Variants in PDE10A observed in about 807,000 individuals in gnomAD.
PDE10A encodes cAMP and cAMP-inhibited cGMP 3',5'-cyclic phosphodiesterase 10A.
PDE10A carries 39 observed loss-of-function variants against 97.7 expected under a neutral mutation model. That is an observed-to-expected ratio of 0.40 (90% CI 0.31 to 0.52). The LOEUF is 0.52. Ranked by LOEUF, PDE10A falls within the 20% of genes least tolerant of loss-of-function variation. The pLI is 0.56. For synonymous variants in PDE10A, 371 were observed against 376.8 expected (o/e 0.98, Z 0.18); for missense variants, 731 against 1,047.8 (o/e 0.70, Z 4.17).
At chr6:165,676,886 A>G (rs1165693758) in intron 1 of PDE10A, among the ~76,000 whole-genome samples, 1 of 152,152 alleles carries the variant, frequency 6.6e-6, no homozygotes, top group African/African-American at 2.4e-5. Flanking sequence ...CTGAAGGACC[A>G]CACGCACTCA....
chr6:165,431,915 T>C (rs937453111), intron 7 of PDE10A, among the ~76,000 whole-genome samples: 1 of 152,158 alleles, frequency 6.6e-6, no homozygotes, highest in Admixed American at 6.6e-5. Context: ...AAAAATACTA[T>C]TGAAAAGCAA....
chr6:165,815,214 G>C (rs746487085), intron 1 of PDE10A, among the ~76,000 whole-genome samples: 1 of 152,076 alleles, frequency 6.6e-6, no homozygotes, highest in Non-Finnish European at 1.5e-5. Context: ...CAAATGAATC[G>C]ATCAGTTGAC....
At chr6:165,763,441 G>A (rs1026950397) in intron 1 of PDE10A, among the ~76,000 whole-genome samples, 1 of 152,026 alleles carries the variant, frequency 6.6e-6, no homozygotes, top group Admixed American at 6.6e-5. Flanking sequence ...TCGTGCCTCA[G>A]CCCCCCCAGT....
At chr6:165,613,067 T>G (rs560916959) in intron 1 of PDE10A, among the ~76,000 whole-genome samples, 41 of 152,322 alleles carry the variant, frequency 2.7e-4, no homozygotes, top group South Asian at 1.0e-3. Flanking sequence ...ATTTTTTATT[T>G]TAACCAATTT....
intron 1 of PDE10A, among the ~76,000 whole-genome samples, chr6:165,796,366 G>A (rs1184049262): frequency 6.6e-6 from 1 of 152,124 alleles, no homozygotes; most frequent in Non-Finnish European, 1.5e-5. Flanking sequence ...GGTTATAGGC[G>A]TGAGCCACCG....
chr6:165,914,154 A>G (rs150025964), intron 1 of PDE10A, among the ~76,000 whole-genome samples: 2 of 152,368 alleles, frequency 1.3e-5, no homozygotes, highest in East Asian at 3.9e-4. Flanking sequence ...AGGCATTTCC[A>G]ACTGTCAACA....
At chr6:165,597,215 C>A (rs1486367421) in intron 1 of PDE10A, among the ~76,000 whole-genome samples, 2 of 152,012 alleles carry the variant, frequency 1.3e-5, no homozygotes, top group Admixed American at 6.6e-5. Context: ...TAAAAAAGTT[C>A]TTGGCACATA....
chr6:165,931,580 T>C (rs1472599116), intron 1 of PDE10A, among the ~76,000 whole-genome samples: 1 of 152,210 alleles, frequency 6.6e-6, no homozygotes, highest in African/African-American at 2.4e-5. Context: ...GGAGAAATAG[T>C]GCAGGTGTTT....
chr6:165,954,181 T>G (rs777520334), intron 1 of PDE10A, among the ~76,000 whole-genome samples: 4 of 152,234 alleles, frequency 2.6e-5, no homozygotes, highest in Non-Finnish European at 5.9e-5. Context: ...GCTTTCAGTT[T>G]GGGGCAATTA....
chr6:165,461,783 T>C (rs529894223), intron 3 of PDE10A, among the ~76,000 whole-genome samples: 1 of 152,366 alleles, frequency 6.6e-6, no homozygotes, highest in South Asian at 2.1e-4. Context: ...TTAACCCATG[T>C]TAATGCCTCT....
intron 1 of PDE10A, among the ~76,000 whole-genome samples, chr6:165,606,153 GAAAAA>G (rs71029555): frequency 2.6e-5 from 3 of 113,278 alleles, no homozygotes; most frequent in East Asian, 2.8e-4. Context: ...ACGAACAAGC[GAAAAA>G]AAAAAAAAAA....
At chr6:165,894,334 G>A (rs902051476) in intron 1 of PDE10A, 7 of 455,900 alleles carry the variant, frequency 1.5e-5, no homozygotes, top group East Asian at 6.9e-5. Context: ...CAGCGCTAAC[G>A]CAAAAAATGA....
chr6:165,337,016 C>T (rs1781694795), intron 20 of PDE10A, among the ~76,000 whole-genome samples: 1 of 151,780 alleles, frequency 6.6e-6, no homozygotes, highest in African/African-American at 2.4e-5. Flanking sequence ...GTGTGGTGTC[C>T]CAATATTTAC....
At chr6:165,840,102 A>G (rs1473513648) in intron 1 of PDE10A, among the ~76,000 whole-genome samples, 4 of 13,436 alleles carry the variant, frequency 3.0e-4, no homozygotes, top group Non-Finnish European at 4.5e-4. Flanking sequence ...CCCCATTCCC[A>G]TCTCCACCTT....
intron 1 of PDE10A, among the ~76,000 whole-genome samples, chr6:165,895,592 T>A (rs997256814): frequency 2.0e-5 from 3 of 152,154 alleles, no homozygotes; most frequent in African/African-American, 7.2e-5. Flanking sequence ...CTTCACAAAG[T>A]CCTCACTCCA....
At chr6:165,975,386 G>T (rs1171596231) in intron 1 of PDE10A, among the ~76,000 whole-genome samples, 1 of 152,166 alleles carries the variant, frequency 6.6e-6, no homozygotes, top group Non-Finnish European at 1.5e-5. Context: ...TGGGTGATTA[G>T]TTGGGCTCAA....
At chr6:165,547,612 T>C (rs1296901713) in intron 1 of PDE10A, among the ~76,000 whole-genome samples, 4 of 152,174 alleles carry the variant, frequency 2.6e-5, no homozygotes, top group Admixed American at 2.6e-4. Flanking sequence ...ATCTGAGGGG[T>C]AGATAAGAAT....
rs187938281 is a variant in PDE10A at position 165,764,908 on chromosome 6, G to A, written c.-614-221340C>T. On this transcript the variant is annotated intron_variant, in intron 1 of 19. Coordinates refer to the PDE10A transcript ENST00000366882. ...CCACGTCCTGCTGATTGGTAGAGCC[G>A]AGTGGTCTGTTTTGACAGGGCACTG... Among the ~76,000 whole-genome samples the A allele has an allele frequency of 6.6e-3, 1,008 of 152,250 alleles. 8 individuals are homozygous for A. The highest frequency in any genetic ancestry group is 0.011 in the Non-Finnish European group (774 of 68,016).
At chr6:165,683,744 A>G (rs554533043) in intron 1 of PDE10A, among the ~76,000 whole-genome samples, 1 of 152,290 alleles carries the variant, frequency 6.6e-6, no homozygotes, top group East Asian at 1.9e-4. Flanking sequence ...AGAGTGCAGC[A>G]GTGCAGGGCA....
Sources: gnomAD v4.1 joint callset for allele counts (sites outside exome capture counted in the v4.1 genomes callset) on GRCh38, gnomAD v4.1.1 for gene constraint, MANE v1.5 for transcripts, NCBI Gene and HGNC (gene_info 2026-07-23, HGNC 2026-07-21) for gene names.